MID1: variants seen among roughly 807,000 people sequenced by gnomAD.
MID1 encodes the protein midline 1.
In MID1, 7 loss-of-function variants were observed where a neutral mutation model predicts 40.4. The ratio of observed to expected loss-of-function variants is 0.17; its 90% CI spans 0.10 to 0.33. The LOEUF is 0.33. Ranked by LOEUF, MID1 falls within the 10% of genes least tolerant of loss-of-function variation. The probability of loss-of-function intolerance (pLI) is 1.00; values close to 1 mark genes in which losing one functional copy is unlikely to be tolerated. For synonymous variants in MID1, 229 were observed against 221.2 expected (o/e 1.04, Z -0.31); for missense variants, 367 against 558.5 (o/e 0.66, Z 3.46).
At chrX:10,743,786 A>G (rs920625412) in intron 1 of MID1, among the ~76,000 whole-genome samples, 4 of 112,062 alleles carry the variant, frequency 3.6e-5, no homozygotes, top group African/African-American at 1.3e-4. Flanking sequence ...GTTTAAATCA[A>G]TTTCCTTACA....
At chrX:10,742,891 G>C (rs948779645) in intron 1 of MID1, among the ~76,000 whole-genome samples, 1 of 112,599 alleles carries the variant, frequency 8.9e-6, no homozygotes, top group African/African-American at 3.2e-5. Flanking sequence ...CAATGAGATA[G>C]ACTCGACTTT....
At position 10,767,386 on chromosome X, in the gene MID1, T is replaced by A. The variant is rs183047092; in HGVS notation, c.-187+66168A>T. Reference sequence around the variant, plus strand: ...ACCAGGCTGGAGTGCAGTGGTGTGGTCTTGGCTCACTGCAAGCTCCGCCTC... The same window carrying A: ...ACCAGGCTGGAGTGCAGTGGTGTGGACTTGGCTCACTGCAAGCTCCGCCTC... On this transcript the variant is annotated intron_variant, in intron 1 of 10. Transcript: ENST00000380785. Among the ~76,000 whole-genome samples, 447 of 110,830 alleles carry A rather than the reference T, an allele frequency of 4.0e-3. 5 individuals are homozygous for A. Among genetic ancestry groups the A allele is most frequent in the African/African-American group, 0.014 (426 of 30,497 alleles).
intron 1 of MID1, among the ~76,000 whole-genome samples, chrX:10,719,562 G>A (rs1234936513): frequency 1.8e-5 from 2 of 111,927 alleles, no homozygotes; most frequent in East Asian, 5.6e-4. Flanking sequence ...ACAAACAAAT[G>A]GAAGAACATT....
chrX:10,725,049 G>C (rs2043380670), intron 1 of MID1, among the ~76,000 whole-genome samples: 2 of 111,924 alleles, frequency 1.8e-5, no homozygotes, highest in African/African-American at 6.5e-5. Context: ...CAATGGGTCT[G>C]AACTCCAAAA....
At chrX:10,593,450 A>G (rs1296866222) in intron 1 of MID1, among the ~76,000 whole-genome samples, 1 of 111,292 alleles carries the variant, frequency 9.0e-6, no homozygotes, top group Admixed American at 9.5e-5. Flanking sequence ...CCAATTTCCC[A>G]CAGAAATTTA....
chrX:10,631,023 A>G (rs996285151), intron 1 of MID1, among the ~76,000 whole-genome samples: 1 of 111,520 alleles, frequency 9.0e-6, no homozygotes, highest in African/African-American at 3.3e-5. Context: ...GCTTTGTAAA[A>G]TCATCCAGAT....
At chrX:10,660,331 T>G (rs1004125677) in intron 1 of MID1, among the ~76,000 whole-genome samples, 2 of 112,601 alleles carry the variant, frequency 1.8e-5, no homozygotes, top group African/African-American at 6.5e-5. Context: ...ATGGAGCACA[T>G]TGTTGTGTTT....
chrX:10,618,693 A>G (rs1487529769), intron 1 of MID1, among the ~76,000 whole-genome samples: 1 of 111,368 alleles, frequency 9.0e-6, no homozygotes, highest in African/African-American at 3.3e-5. Flanking sequence ...GCATGGGAAA[A>G]ACCATTCCAA....
intron 7 of MID1, among the ~76,000 whole-genome samples, chrX:10,468,240 G>A (rs1016917351): frequency 8.9e-6 from 1 of 111,940 alleles, no homozygotes; most frequent in African/African-American, 3.2e-5. Context: ...AGGAGAGGAA[G>A]TTGGAGAAGT....
intron 1 of MID1, among the ~76,000 whole-genome samples, chrX:10,657,747 T>C (rs1029522411): frequency 2.7e-5 from 3 of 112,499 alleles, no homozygotes; most frequent in African/African-American, 9.7e-5. Flanking sequence ...TGGTTCTTCG[T>C]CCAAAAGCAA....
At chrX:10,778,749 A>G (rs2043824495) in intron 1 of MID1, among the ~76,000 whole-genome samples, 1 of 113,161 alleles carries the variant, frequency 8.8e-6, no homozygotes, top group Admixed American at 9.3e-5. Flanking sequence ...GGTGACCACT[A>G]GAAGCTGGAA....
At chrX:10,778,583 C>T (rs779918588) in intron 1 of MID1, among the ~76,000 whole-genome samples, 7 of 112,081 alleles carry the variant, frequency 6.2e-5, no homozygotes, top group African/African-American at 2.3e-4. Flanking sequence ...ATTATTCAGG[C>T]GGGCCCAATG....
chrX:10,715,331 C>T (rs775096545), intron 1 of MID1, among the ~76,000 whole-genome samples: 2 of 111,941 alleles, frequency 1.8e-5, no homozygotes, highest in East Asian at 2.8e-4. Context: ...CCTGGAAAAT[C>T]GGGTTACTCC....
rs186414144 is a variant in MID1, at chrX:10,727,183, C to G, written c.-187+106371G>C. Among the ~76,000 whole-genome samples the G allele has an allele frequency of 9.1e-3, 1,022 of 112,398 alleles. 5 individuals carry two copies. Among genetic ancestry groups the G allele is most frequent in the South Asian group, 0.022 (59 of 2,694 alleles). ...AGGCTGGAGTGCAATGGCACAATCT[C>G]AGCTCACTACAACCTCCTCCTCCTG... On this transcript the variant is annotated intron_variant, in intron 1 of 10. Transcript: ENST00000380785.
chrX:10,711,281 C>T (rs1289176741), intron 1 of MID1, among the ~76,000 whole-genome samples: 1 of 111,953 alleles, frequency 8.9e-6, no homozygotes, highest in Admixed American at 9.5e-5. Context: ...AGGAAAGCCT[C>T]CAAATAGCTT....
At chrX:10,554,479 A>G (rs1373810302) in intron 2 of MID1, among the ~76,000 whole-genome samples, 1 of 112,132 alleles carries the variant, frequency 8.9e-6, no homozygotes, top group African/African-American at 3.2e-5. Flanking sequence ...GCCTTGCCTA[A>G]TATGTTATCA....
chrX:10,754,187 C>T (rs7061483), intron 1 of MID1, among the ~76,000 whole-genome samples: 6,187 of 111,676 alleles, frequency 0.055, 436 homozygotes, highest in African/African-American at 0.19. Flanking sequence ...AAAATATTTG[C>T]CTGAGTGCTG....
intron 1 of MID1, among the ~76,000 whole-genome samples, chrX:10,831,541 T>C (rs1023283865): frequency 1.8e-5 from 2 of 111,766 alleles, no homozygotes; most frequent in Non-Finnish European, 3.8e-5. Flanking sequence ...CTGTCTTTAA[T>C]TGGAGGATTA....
At chrX:10,637,389 G>A (rs1411711432) in intron 1 of MID1, among the ~76,000 whole-genome samples, 1 of 109,111 alleles carries the variant, frequency 9.2e-6, no homozygotes, top group African/African-American at 3.3e-5. Context: ...AGGACCACAT[G>A]GACCCTACAA....
Sources: gnomAD v4.1 joint callset for allele counts (sites outside exome capture counted in the v4.1 genomes callset) on GRCh38, gnomAD v4.1.1 for gene constraint, MANE v1.5 for transcripts, NCBI Gene and HGNC (gene_info 2026-07-23, HGNC 2026-07-21) for gene names.